Variants in SGCZ observed in about 807,000 individuals in gnomAD.
The protein encoded by SGCZ is sarcoglycan zeta, also known as zeta-sarcoglycan.
In SGCZ, 40 loss-of-function variants were observed where a neutral mutation model predicts 41.3. That is an observed-to-expected ratio of 0.97 (90% CI 0.75 to 1.26). The LOEUF (loss-of-function observed/expected upper bound fraction) is 1.26. Ranked by LOEUF, SGCZ falls within the 50% of genes most tolerant of loss-of-function variation. The probability of loss-of-function intolerance (pLI) is 0.00; values close to 1 mark genes in which losing one functional copy is unlikely to be tolerated. For synonymous variants in SGCZ, 206 were observed against 137.5 expected (o/e 1.50, Z -3.49); for missense variants, 552 against 369.8 (o/e 1.49, Z -4.04).
At position 14,191,881 on chromosome 8, in the gene SGCZ, C is replaced by T. The variant is rs79077315; in HGVS notation, c.425-27179G>A. Among the ~76,000 whole-genome samples the T allele has an allele frequency of 4.6e-5, 7 of 152,030 alleles. No individual in the cohort carries two copies. The East Asian group carries it at 1.4e-3, about 29-fold the overall frequency. ...CTGGACTCCATATCCTGTAGGATTC[C>T]TCAACCTAGTCATAATACTGAAATT... On this transcript the variant is annotated intron_variant, in intron 4 of 7. Coordinates refer to ENST00000382080, the MANE Select transcript of SGCZ (RefSeq NM_139167.4).
rs188647097 is a variant in SGCZ, at chr8:14,943,693, C to T, written c.39+293892G>A. On this transcript the variant is annotated intron_variant, in intron 1 of 7. Coordinates refer to ENST00000382080, the MANE Select transcript of SGCZ (RefSeq NM_139167.4). ...TTCATCACCCAAGTAAAAAGCATGC[C>T]ACTCAATACGTAGTTTTTTAATCCT... Among the ~76,000 whole-genome samples the T allele has an allele frequency of 4.0e-3, 615 of 152,114 alleles. 6 individuals are homozygous for T. Among genetic ancestry groups the T allele is most frequent in the South Asian group, 0.017 (82 of 4,812 alleles).
chr8:14,453,618 A>T (rs1800660841), intron 2 of SGCZ, among the ~76,000 whole-genome samples: 1 of 152,222 alleles, frequency 6.6e-6, no homozygotes, highest in South Asian at 2.1e-4. Flanking sequence ...AAAGAATCTT[A>T]GGAGGGAAAC....
chr8:14,899,929 CT>C (rs1298481476), intron 1 of SGCZ, among the ~76,000 whole-genome samples: 1 of 152,048 alleles, frequency 6.6e-6, no homozygotes, highest in Non-Finnish European at 1.5e-5. Context: ...AAGTGAGTAG[CT>C]GGTGACCTGT....
chr8:15,040,995 A>G (rs949240183), intron 1 of SGCZ, among the ~76,000 whole-genome samples: 4 of 152,100 alleles, frequency 2.6e-5, no homozygotes, highest in African/African-American at 9.6e-5. Flanking sequence ...TGATACAAAA[A>G]TATCAGAAAG....
In SGCZ at chr8:15,205,002, G is replaced by A. The variant is rs145108686; in HGVS notation, c.39+32583C>T. Among the ~76,000 whole-genome samples, 639 of 152,202 alleles carry A rather than the reference G, an allele frequency of 4.2e-3. 5 individuals are homozygous for A. Among genetic ancestry groups the A allele is most frequent in the African/African-American group, 0.015 (615 of 41,528 alleles). On this transcript the variant is annotated intron_variant, in intron 1 of 7. Coordinates refer to ENST00000382080, the MANE Select transcript of SGCZ (RefSeq NM_139167.4). Reference sequence around the variant, plus strand: ...GTGATGAGAAATAAGCACATCTACAGTAAAGTTTAAAATAGAATTTTTTCA... The same window carrying A: ...GTGATGAGAAATAAGCACATCTACAATAAAGTTTAAAATAGAATTTTTTCA...
intron 7 of SGCZ, among the ~76,000 whole-genome samples, chr8:14,093,047 A>G (rs1320760022): frequency 6.6e-6 from 1 of 152,066 alleles, no homozygotes; most frequent in East Asian, 1.9e-4. Context: ...AAGTTTCAGA[A>G]AAAGAAAAAA....
chr8:14,471,681 A>G (rs1801216690), intron 2 of SGCZ, among the ~76,000 whole-genome samples: 1 of 152,086 alleles, frequency 6.6e-6, no homozygotes, highest in South Asian at 2.1e-4. Flanking sequence ...CCAATTTAAT[A>G]TTTACTAAAT....
intron 2 of SGCZ, among the ~76,000 whole-genome samples, chr8:14,464,604 T>G (rs1800996330): frequency 1.3e-5 from 2 of 151,454 alleles, no homozygotes. Flanking sequence ...TATCTCTGCT[T>G]TAGTCTTTAT....
At chr8:15,185,595 A>G (rs544104741) in intron 1 of SGCZ, among the ~76,000 whole-genome samples, 1 of 152,286 alleles carries the variant, frequency 6.6e-6, no homozygotes, top group South Asian at 2.1e-4. Context: ...GGCAAATGAG[A>G]AGAAAACAGA....
chr8:14,959,232 T>C (rs980897226), intron 1 of SGCZ, among the ~76,000 whole-genome samples: 19 of 152,240 alleles, frequency 1.2e-4, no homozygotes, highest in African/African-American at 4.3e-4. Flanking sequence ...TGATATGTAA[T>C]TGGTAGATAA....
At chr8:14,249,411 T>C (rs950283310) in intron 3 of SGCZ, among the ~76,000 whole-genome samples, 26 of 152,158 alleles carry the variant, frequency 1.7e-4, no homozygotes, top group Admixed American at 1.7e-3. Context: ...CAATTCTTTA[T>C]AATAAATCTC....
At chr8:14,737,967 T>A (rs1350832534) in intron 1 of SGCZ, among the ~76,000 whole-genome samples, 1 of 152,030 alleles carries the variant, frequency 6.6e-6, no homozygotes, top group Admixed American at 6.6e-5. Context: ...CATACATACT[T>A]TACAGATGAA....
At chr8:14,956,474 C>A (rs764486161) in intron 1 of SGCZ, among the ~76,000 whole-genome samples, 7 of 152,004 alleles carry the variant, frequency 4.6e-5, no homozygotes, top group Non-Finnish European at 8.8e-5. Flanking sequence ...TTATATTTTA[C>A]ATATTTTTAT....
At chr8:14,560,510 T>C (rs1041268561) in intron 1 of SGCZ, among the ~76,000 whole-genome samples, 5 of 152,072 alleles carry the variant, frequency 3.3e-5, no homozygotes, top group Admixed American at 3.3e-4. Flanking sequence ...CACTGGCAAG[T>C]AGGAGACCTT....
At chr8:14,923,744 T>C (rs374878227) in intron 1 of SGCZ, among the ~76,000 whole-genome samples, 24 of 152,200 alleles carry the variant, frequency 1.6e-4, no homozygotes, top group East Asian at 3.8e-4. Context: ...TTAGAGGCTA[T>C]TGTTTATTTT....
At chr8:14,323,952 G>T in intron 3 of SGCZ, 151 bp downstream of exon 3, 1 of 558,898 alleles carries the variant, frequency 1.8e-6, no homozygotes, top group Non-Finnish European at 3.1e-6. Flanking sequence ...GATTTTCAAT[G>T]ATGTTATCAT....
At chr8:14,489,648 A>C (rs1464627587) in intron 2 of SGCZ, among the ~76,000 whole-genome samples, 1 of 152,070 alleles carries the variant, frequency 6.6e-6, no homozygotes, top group Non-Finnish European at 1.5e-5. Context: ...TAGAAAAAAG[A>C]CTTGAAATTG....
chr8:14,410,796 G>A (rs143699795), intron 2 of SGCZ, among the ~76,000 whole-genome samples: 5 of 151,952 alleles, frequency 3.3e-5, no homozygotes, highest in South Asian at 2.1e-4. Flanking sequence ...CCAATGAAAC[G>A]AACAAAAATA....
intron 1 of SGCZ, among the ~76,000 whole-genome samples, chr8:14,941,922 T>A (rs1392067465): frequency 6.6e-6 from 1 of 151,770 alleles, no homozygotes; most frequent in East Asian, 1.9e-4. Context: ...AGGAAAAAGT[T>A]AAAATATATA....
Sources: allele counts gnomAD v4.1 joint callset (sites outside exome capture counted in the v4.1 genomes callset), GRCh38; gene constraint gnomAD v4.1.1; transcripts MANE v1.5; gene names NCBI Gene and HGNC (gene_info 2026-07-23, HGNC 2026-07-21).